RFX3: variants seen among roughly 807,000 people sequenced by gnomAD.
RFX3 encodes transcription factor RFX3.
RFX3 carries 14 observed loss-of-function variants against 98.6 expected under a neutral mutation model. The observed-to-expected ratio is 0.14, with a 90% CI of 0.09 to 0.22. The LOEUF is 0.22. Ranked by LOEUF, RFX3 falls within the 10% of genes least tolerant of loss-of-function variation. The pLI is 1.00. For missense variants in RFX3, 639 were observed against 926.9 expected (o/e 0.69, Z 4.03); for synonymous variants, 383 against 328.4 (o/e 1.17, Z -1.80).
intron 14 of RFX3, among the ~76,000 whole-genome samples, chr9:3,249,369 A>T (rs567536129): frequency 1.3e-5 from 2 of 152,270 alleles, no homozygotes; most frequent in Non-Finnish European, 2.9e-5. Context: ...CTCTTCATTG[A>T]CTGTTGATCT....
At chr9:3,237,478 A>G (rs1344945798) in intron 15 of RFX3, among the ~76,000 whole-genome samples, 1 of 152,196 alleles carries the variant, frequency 6.6e-6, no homozygotes, top group Non-Finnish European at 1.5e-5. Flanking sequence ...CTAATTATAT[A>G]CATTATTACT....
chr9:3,404,309 A>T (rs934861625), intron 1 of RFX3, among the ~76,000 whole-genome samples: 1 of 152,174 alleles, frequency 6.6e-6, no homozygotes, highest in African/African-American at 2.4e-5. Context: ...ATACACTTGG[A>T]ATAAAGACTT....
intron 2 of RFX3, among the ~76,000 whole-genome samples, chr9:3,361,187 G>C (rs929239220): frequency 2.0e-5 from 3 of 152,096 alleles, no homozygotes; most frequent in Non-Finnish European, 2.9e-5. Flanking sequence ...GAAGGAAAAA[G>C]GACCCACATT....
chr9:3,498,743 A>C (rs1851287029), intron 1 of RFX3, among the ~76,000 whole-genome samples: 1 of 152,126 alleles, frequency 6.6e-6, no homozygotes, highest in Non-Finnish European at 1.5e-5. Context: ...TTCCCAAATC[A>C]AACTAGCTTA....
intron 1 of RFX3, among the ~76,000 whole-genome samples, chr9:3,403,564 C>G (rs1183981442): frequency 6.6e-6 from 1 of 152,134 alleles, no homozygotes; most frequent in Non-Finnish European, 1.5e-5. Context: ...TAACTTTTTT[C>G]ACTTTTCAAA....
intron 9 of RFX3, among the ~76,000 whole-genome samples, chr9:3,272,640 T>C (rs911725711): frequency 7.2e-5 from 11 of 152,202 alleles, no homozygotes; most frequent in Non-Finnish European, 1.0e-4. Flanking sequence ...GCTTTCTCAA[T>C]TGTAGCTTAG....
At chr9:3,511,994 G>A (rs961425650) in intron 1 of RFX3, among the ~76,000 whole-genome samples, 2 of 152,040 alleles carry the variant, frequency 1.3e-5, no homozygotes, top group Non-Finnish European at 2.9e-5. Flanking sequence ...TGCTTAAGGT[G>A]ACAGACACCC....
chr9:3,423,963 T>C (rs1471438205), intron 1 of RFX3, among the ~76,000 whole-genome samples: 10 of 151,362 alleles, frequency 6.6e-5, no homozygotes, highest in African/African-American at 7.3e-5. Context: ...CCGGCTAACA[T>C]GGTGAAACCC....
At chr9:3,507,596 G>A (rs542761740) in intron 1 of RFX3, among the ~76,000 whole-genome samples, 23 of 151,764 alleles carry the variant, frequency 1.5e-4, no homozygotes, top group Admixed American at 2.6e-4. Context: ...TTGTCCCTCC[G>A]TAACCATGGG....
intron 1 of RFX3, among the ~76,000 whole-genome samples, chr9:3,422,092 G>T (rs1357882912): frequency 3.3e-5 from 5 of 152,162 alleles, no homozygotes; most frequent in Non-Finnish European, 7.3e-5. Flanking sequence ...GGCAGGAGCA[G>T]CCCTAAAAAT....
At chr9:3,401,894 A>C (rs1841509399) in intron 1 of RFX3, among the ~76,000 whole-genome samples, 1 of 152,228 alleles carries the variant, frequency 6.6e-6, no homozygotes, top group Non-Finnish European at 1.5e-5. Context: ...AAGATATTGC[A>C]AAAACCCAGA....
At chr9:3,318,621 C>T (rs1225534747) in intron 4 of RFX3, among the ~76,000 whole-genome samples, 1 of 150,126 alleles carries the variant, frequency 6.7e-6, no homozygotes, top group African/African-American at 2.4e-5. Context: ...CAGAAAGTAG[C>T]TAAAGACAAA....
intron 13 of RFX3, among the ~76,000 whole-genome samples, chr9:3,260,028 G>GA (rs1451906887): frequency 6.6e-6 from 1 of 151,962 alleles, no homozygotes; most frequent in East Asian, 1.9e-4. Flanking sequence ...GGGACTCTGG[G>GA]AAAATCTGGC....
chr9:3,243,161 A>C (rs1414770772), intron 15 of RFX3, among the ~76,000 whole-genome samples: 2 of 151,978 alleles, frequency 1.3e-5, no homozygotes, highest in African/African-American at 2.4e-5. Flanking sequence ...AAAATTGTTT[A>C]TTTAACAGGT....
chr9:3,321,925 T>A (rs12335756), intron 4 of RFX3, among the ~76,000 whole-genome samples: 20,505 of 152,110 alleles, frequency 0.13, 4,580 homozygotes, highest in African/African-American at 0.47. Context: ...ATGCCTCCTT[T>A]AATATATACA....
chr9:3,461,239 G>C (rs1203661398), intron 1 of RFX3, among the ~76,000 whole-genome samples: 1 of 151,562 alleles, frequency 6.6e-6, no homozygotes, highest in Non-Finnish European at 1.5e-5. Flanking sequence ...ATATAAATTG[G>C]GTTTCATGTT....
At chr9:3,507,151 C>G (rs1483112764) in intron 1 of RFX3, among the ~76,000 whole-genome samples, 1 of 151,822 alleles carries the variant, frequency 6.6e-6, no homozygotes, top group African/African-American at 2.4e-5. Context: ...GCATTTACAA[C>G]TGAACAAACA....
At chr9:3,524,556 T>TAAAA in intron 1 of RFX3, 1 of 771,536 alleles carries the variant, frequency 1.3e-6, no homozygotes, top group Non-Finnish European at 1.6e-6. Context: ...ATGAGGAGAT[T>TAAAA]AAAAAAAAAA....
intron 15 of RFX3, among the ~76,000 whole-genome samples, chr9:3,241,984 A>AAATGTGTG (rs1819989394): frequency 6.6e-6 from 1 of 152,202 alleles, no homozygotes. Flanking sequence ...GTCAGAGAGA[A>AAATGTGTG]AATGTGTGTC....
Sources: gnomAD v4.1 joint callset for allele counts (sites outside exome capture counted in the v4.1 genomes callset) on GRCh38, gnomAD v4.1.1 for gene constraint, MANE v1.5 for transcripts, NCBI Gene and HGNC (gene_info 2026-07-23, HGNC 2026-07-21) for gene names.